SLC5A8: variants seen among roughly 807,000 people sequenced by gnomAD.
SLC5A8 encodes solute carrier family 5 member 8, also known as sodium-coupled monocarboxylate transporter 1.
Under a neutral mutation model 71.9 loss-of-function variants are expected in SLC5A8, and 55 were observed. That is an observed-to-expected ratio of 0.77 (90% confidence interval 0.62 to 0.96). SLC5A8 has a LOEUF of 0.96. SLC5A8 is among the 40% of genes least tolerant of loss of function. The pLI, the probability that SLC5A8 is intolerant of heterozygous loss-of-function variation, is 0.00. For missense variants in SLC5A8, 701 were observed against 745.3 expected, an observed-to-expected ratio of 0.94 and a Z score of 0.69; for synonymous variants, 307 against 276.1, an observed-to-expected ratio of 1.11 and a Z score of -1.11.
At chr12:101,193,033 G>T (rs971889830) in intron 5 of SLC5A8, among the ~76,000 whole-genome samples, 3 of 149,296 alleles carry the variant, frequency 2.0e-5, no homozygotes, top group East Asian at 2.0e-4. Flanking sequence ...GTGCAGTGGC[G>T]TGATCTCGGC....
At chr12:101,185,532 A>G (rs966799586) in intron 7 of SLC5A8, among the ~76,000 whole-genome samples, 32 of 152,292 alleles carry the variant, frequency 2.1e-4, no homozygotes, top group Admixed American at 3.3e-4. Flanking sequence ...CCAGCAGAGC[A>G]TAGAGAAACA....
rs1869385395 is a variant in SLC5A8 at position 101,200,053 on chromosome 12, AAG to A, written c.469+2109_469+2110del. On this transcript the variant is annotated intron_variant, in intron 3 of 14. Coordinates refer to ENST00000536262, the MANE Select transcript of SLC5A8 (RefSeq NM_145913.5). Reference sequence around the variant, plus strand: ...AAAAAAAAAAAAAAAAAAAAAAAAAAAGGGAATGAACTACTGATATATATGTA... The same window carrying A: ...AAAAAAAAAAAAAAAAAAAAAAAAAAGGAATGAACTACTGATATATATGTA... 2.4e-5 allele frequency among the ~76,000 whole-genome samples: 2 copies of A among 84,888 alleles called. 1 individual carries two copies. Among genetic ancestry groups the A allele is most frequent in the Non-Finnish European group, 4.5e-5 (2 of 44,088 alleles). The allele number at this position is 84,888 out of a possible 152,430, so 55.7% of individuals were successfully genotyped here.
At chr12:101,168,276 C>T (rs930233567) in intron 10 of SLC5A8, 94 bp from the exon 11 acceptor site, 7 of 1,168,426 alleles carry the variant, frequency 6.0e-6, no homozygotes, top group Non-Finnish European at 8.4e-6. Context: ...TTAAAGTATT[C>T]GGCCTCCTTC....
chr12:101,183,962 A>G (rs578070394), intron 8 of SLC5A8, among the ~76,000 whole-genome samples, 172 bp downstream of exon 8: 5 of 152,282 alleles, frequency 3.3e-5, no homozygotes, highest in Non-Finnish European at 7.4e-5. Flanking sequence ...TGACAACAGG[A>G]CGCTAGTCCA....
At chr12:101,199,171 T>C (rs552724462) in intron 3 of SLC5A8, 2 of 152,104 alleles carry the variant, frequency 1.3e-5, no homozygotes, top group South Asian at 2.1e-4. Flanking sequence ...AACAATTATC[T>C]AGGAATAAAT....
chr12:101,162,651 C>T (rs1182536376), intron 12 of SLC5A8, among the ~76,000 whole-genome samples: 1 of 152,128 alleles, frequency 6.6e-6, no homozygotes, highest in African/African-American at 2.4e-5. Flanking sequence ...CACAGAAAAC[C>T]AAATACCACA....
At chr12:101,157,445 G>T in intron 14 of SLC5A8, 44 bp from the exon 15 acceptor site, 2 of 1,534,940 alleles carry the variant, frequency 1.3e-6, no homozygotes, top group Middle Eastern at 1.7e-4. Context: ...AGAAAAAGAA[G>T]CTCTTCATTC....
At chr12:101,175,442 A>C (rs1469561180) in intron 10 of SLC5A8, among the ~76,000 whole-genome samples, 1 of 152,116 alleles carries the variant, frequency 6.6e-6, no homozygotes, top group African/African-American at 2.4e-5. Flanking sequence ...AGAGACATAA[A>C]TCTCTTTCAG....
In SLC5A8 at chr12:101,159,769, A is replaced by G. The variant is rs1050030608; in HGVS notation, c.1631-1441T>C. On this transcript the variant is annotated intron_variant, in intron 13 of 14. Transcript: ENST00000536262. ...GAGTATTCAAAGGAGCTACTCTGAT[A>G]CTCCACTTTCTTTTAAAAAATGAGC... Among the ~76,000 whole-genome samples, 5 of 152,182 alleles carry G rather than the reference A, an allele frequency of 3.3e-5. No individual in the cohort carries two copies. The East Asian group carries it at 9.6e-4, about 29-fold the overall frequency.
At chr12:101,162,330 G>A (rs951508008) in intron 12 of SLC5A8, among the ~76,000 whole-genome samples, 1 of 152,182 alleles carries the variant, frequency 6.6e-6, no homozygotes, top group Non-Finnish European at 1.5e-5. Flanking sequence ...CTGCTCTTGT[G>A]ATTGGACAGT....
Position 101,168,114 on chromosome 12 carries a change from A to G in SLC5A8, c.1302T>C (p.Val434=). ...TACTTACAATTGAGTTGGCAAAGGGAACCAAAATGCCCAAAGCGAACAGGC... is the reference window on the plus strand; with the variant it reads ...TACTTACAATTGAGTTGGCAAAGGGGACCAAAATGCCCAAAGCGAACAGGC... ...LMGLFALGIL[V]PFANSIGALV... is the part of the protein sequence containing the mutation. Residue 434 remains valine (V), a synonymous_variant, in exon 11 of 15, where the codon GTT becomes GTC. Coordinates refer to ENST00000536262, the MANE Select transcript of SLC5A8 (RefSeq NM_145913.5). The G allele has an allele frequency of 6.2e-7, 1 of 1,609,354 alleles. No individual in the cohort carries two copies. Among genetic ancestry groups the G allele is most frequent in the Non-Finnish European group, 8.5e-7 (1 of 1,177,690 alleles).
intron 12 of SLC5A8, among the ~76,000 whole-genome samples, chr12:101,165,728 C>T (rs183470517): frequency 1.3e-4 from 20 of 152,168 alleles, no homozygotes; most frequent in African/African-American, 4.8e-5. Flanking sequence ...AGGGGTATGC[C>T]GTGTCTTGAC....
At chr12:101,158,598 C>CTCTCTATA (rs1411795424) in intron 13 of SLC5A8, among the ~76,000 whole-genome samples, 56 of 21,170 alleles carry the variant, frequency 2.6e-3, no homozygotes, top group East Asian at 4.3e-3. Context: ...CTCTCTCTCT[C>CTCTCTATA]TATATATATA....
At chr12:101,185,960 C>A (rs2137149812) in intron 7 of SLC5A8, among the ~76,000 whole-genome samples, 1 of 152,212 alleles carries the variant, frequency 6.6e-6, no homozygotes, top group Non-Finnish European at 1.5e-5. Context: ...AACTTGTTAA[C>A]TAACACAGTC....
In SLC5A8 at chr12:101,167,244, T is replaced by C. The variant is rs367786291; in HGVS notation, c.1321-545A>G. Among the ~76,000 whole-genome samples, 12 of 152,332 alleles carry C rather than the reference T, an allele frequency of 7.9e-5. No individual in the cohort carries two copies. In the East Asian group the frequency reaches 1.3e-3, roughly 17 times the overall value. The stretch of plus-strand genomic sequence containing the variant: ...GGTGGACACAAACAAATCTCTTTCA[T>C]TGTGATTAATTCCTACAAAAGCAGC... On this transcript the variant is annotated intron_variant, in intron 11 of 14. Coordinates refer to ENST00000536262, the MANE Select transcript of SLC5A8 (RefSeq NM_145913.5).
chr12:101,181,230 TCTC>T, intron 9 of SLC5A8, among the ~76,000 whole-genome samples: 1 of 152,344 alleles, frequency 6.6e-6, no homozygotes, highest in East Asian at 1.9e-4. Context: ...TTTGAAGAGT[TCTC>T]ATTGCTATGA....
In SLC5A8 at chr12:101,210,178, C is replaced by T; in HGVS notation, c.-330G>A. Reference sequence around the variant, plus strand: ...CCGGGGACACCTGAGCAGATGAGAACTGGAGCCTCCAGCTGCTTCCAGCGA... The same window carrying T: ...CCGGGGACACCTGAGCAGATGAGAATTGGAGCCTCCAGCTGCTTCCAGCGA... On this transcript the variant is annotated 5_prime_UTR_variant, in exon 1 of 15. Transcript: ENST00000536262. 5 of 316,546 alleles carry T rather than the reference C, an allele frequency of 1.6e-5. No homozygotes were observed. Among genetic ancestry groups the T allele is most frequent in the Non-Finnish European group, 2.9e-5 (5 of 175,120 alleles). The allele number at this position is 316,546 out of a possible 1,614,324, so 19.6% of individuals were successfully genotyped here.
chr12:101,155,517 C>T lies in SLC5A8; in HGVS notation c.*1762G>A, dbSNP rs1237658955. The stretch of plus-strand genomic sequence containing the variant: ...TTTTTTTTTCCCAGAGACAAGATTT[C>T]ACTCTGTTACCCAGGCTGGAGTGCA... On this transcript the variant is annotated 3_prime_UTR_variant, in exon 15 of 15. Coordinates refer to ENST00000536262, the MANE Select transcript of SLC5A8 (RefSeq NM_145913.5). The T allele has an allele frequency of 9.0e-6, 1 of 111,390 alleles. No individual in the cohort carries two copies. The highest frequency in any genetic ancestry group is 1.7e-5 in the Non-Finnish European group (1 of 59,442). The allele number at this position is 111,390 out of a possible 1,614,324, so 6.9% of individuals were successfully genotyped here.
chr12:101,193,202 G>C (rs1470656683), intron 5 of SLC5A8, among the ~76,000 whole-genome samples: 1 of 151,874 alleles, frequency 6.6e-6, no homozygotes, highest in African/African-American at 2.4e-5. Flanking sequence ...CGAACTCCTG[G>C]CCTCAGGTGA....
Sources: allele counts gnomAD v4.1 joint callset (sites outside exome capture counted in the v4.1 genomes callset), GRCh38; gene constraint gnomAD v4.1.1; transcripts MANE v1.5; gene names NCBI Gene and HGNC (gene_info 2026-07-23, HGNC 2026-07-21).